The following MTUS2 variants were observed in gnomAD, a reference collection of about 807,000 sequenced individuals.
MTUS2 encodes microtubule-associated tumor suppressor candidate 2.
MTUS2 carries 40 observed loss-of-function variants against 114.1 expected under a neutral mutation model. The ratio of observed to expected loss-of-function variants is 0.35; its 90% CI spans 0.27 to 0.46. MTUS2 has a LOEUF of 0.46. MTUS2 is among the 20% of genes least tolerant of loss of function. The pLI is 1.00. For missense variants in MTUS2, 1,679 were observed against 1,705.4 expected, an observed-to-expected ratio of 0.98 and a Z score of 0.27; for synonymous variants, 688 against 672.0, an observed-to-expected ratio of 1.02 and a Z score of -0.37.
chr13:29,381,246 CTAGA>C (rs1277931146), intron 8 of MTUS2, among the ~76,000 whole-genome samples: 2 of 152,040 alleles, frequency 1.3e-5, no homozygotes, highest in African/African-American at 2.4e-5. Context: ...ATAAAGTAGA[CTAGA>C]TAGAGTGAGA....
At chr13:29,363,435 A>G (rs1217297635) in intron 8 of MTUS2, among the ~76,000 whole-genome samples, 2 of 152,208 alleles carry the variant, frequency 1.3e-5, no homozygotes, top group African/African-American at 4.8e-5. Context: ...CTCAAAATGA[A>G]TATGTCAAGC....
intron 5 of MTUS2, among the ~76,000 whole-genome samples, chr13:29,144,504 C>T (rs1459445721): frequency 6.6e-6 from 1 of 152,034 alleles, no homozygotes; most frequent in Non-Finnish European, 1.5e-5. Flanking sequence ...GCTTGGATTA[C>T]AGGAATGAGC....
At chr13:28,830,707 A>G (rs945819312) in intron 1 of MTUS2, among the ~76,000 whole-genome samples, 6 of 152,148 alleles carry the variant, frequency 3.9e-5, no homozygotes, top group Admixed American at 6.6e-5. Flanking sequence ...CTCAAAAGGA[A>G]AAGAATGAGA....
chr13:29,406,234 C>T (rs1874743503), intron 8 of MTUS2, among the ~76,000 whole-genome samples: 1 of 152,172 alleles, frequency 6.6e-6, no homozygotes, highest in Non-Finnish European at 1.5e-5. Context: ...AGCTGAGCAG[C>T]TGAGAACAAC....
intron 2 of MTUS2, among the ~76,000 whole-genome samples, chr13:28,969,930 G>A (rs1162254331): frequency 6.6e-6 from 1 of 152,188 alleles, no homozygotes; most frequent in Non-Finnish European, 1.5e-5. Context: ...ATAGGCGCCT[G>A]CCAGCATGCC....
At chr13:28,854,264 C>G (rs1179683930) in intron 2 of MTUS2, among the ~76,000 whole-genome samples, 3 of 152,212 alleles carry the variant, frequency 2.0e-5, no homozygotes. Flanking sequence ...GATGCTGCTT[C>G]TGTGCATCTG....
chr13:29,355,292 C>G (rs142190728), intron 7 of MTUS2, among the ~76,000 whole-genome samples: 2 of 152,368 alleles, frequency 1.3e-5, no homozygotes, highest in East Asian at 3.9e-4. Context: ...CAGCTTCTCC[C>G]TGGAGACCTC....
At chr13:29,260,466 A>G (rs1897429364) in intron 5 of MTUS2, among the ~76,000 whole-genome samples, 1 of 152,220 alleles carries the variant, frequency 6.6e-6, no homozygotes, top group Non-Finnish European at 1.5e-5. Flanking sequence ...TGGAACGCTA[A>G]GCTTGTGGGA....
chr13:29,458,691 C>T (rs901195209), intron 9 of MTUS2, among the ~76,000 whole-genome samples: 1 of 152,166 alleles, frequency 6.6e-6, no homozygotes, highest in African/African-American at 2.4e-5. Context: ...CAGGACAACT[C>T]TCCATAGTCA....
chr13:28,827,925 T>G (rs1302340653), intron 1 of MTUS2, among the ~76,000 whole-genome samples: 1 of 152,134 alleles, frequency 6.6e-6, no homozygotes, highest in Non-Finnish European at 1.5e-5. Flanking sequence ...TAATGAAGTT[T>G]TGGGCATGCA....
In MTUS2 at chr13:29,201,028, C is replaced by T. The variant is rs527495406; in HGVS notation, c.2645-80676C>T. Among the ~76,000 whole-genome samples the T allele has an allele frequency of 3.3e-5, 5 of 152,236 alleles. No individual in the cohort carries two copies. The East Asian group carries it at 9.7e-4, about 29-fold the overall frequency. ...GTTCTGTGGATGTCTATTAGGTCTGCTTGGTCCAGAGCTGAGTTCAAGTCC... is the reference window on the plus strand; with the variant it reads ...GTTCTGTGGATGTCTATTAGGTCTGTTTGGTCCAGAGCTGAGTTCAAGTCC... On this transcript the variant is annotated intron_variant, in intron 5 of 15. Transcript: ENST00000612955.
At chr13:29,286,657 T>TCTGG in intron 6 of MTUS2, among the ~76,000 whole-genome samples, 1 of 147,276 alleles carries the variant, frequency 6.8e-6, no homozygotes, top group African/African-American at 2.6e-5. Context: ...TATCTGTCTG[T>TCTGG]CTGTCTGTCT....
chr13:29,075,345 A>G (rs1243297445), intron 4 of MTUS2, among the ~76,000 whole-genome samples: 1 of 152,058 alleles, frequency 6.6e-6, no homozygotes, highest in African/African-American at 2.4e-5. Context: ...TCTGGACTCT[A>G]CCATCTGGAC....
At chr13:29,430,927 G>A (rs1876949210) in intron 8 of MTUS2, among the ~76,000 whole-genome samples, 1 of 152,164 alleles carries the variant, frequency 6.6e-6, no homozygotes, top group African/African-American at 2.4e-5. Flanking sequence ...AAGAGGCCTG[G>A]TAAAATTGTT....
At chr13:29,461,933 G>A (rs968905050) in intron 9 of MTUS2, among the ~76,000 whole-genome samples, 13 of 152,174 alleles carry the variant, frequency 8.5e-5, no homozygotes, top group African/African-American at 2.9e-4. Context: ...GCCTGGGGGA[G>A]GGATTCCAGG....
At chr13:29,074,336 G>T (rs940978907) in intron 4 of MTUS2, among the ~76,000 whole-genome samples, 2 of 152,096 alleles carry the variant, frequency 1.3e-5, no homozygotes, top group African/African-American at 4.8e-5. Context: ...AGTCCGGGTG[G>T]TGCTAGGGAT....
Position 29,026,554 on chromosome 13 carries a change from A to C in MTUS2, c.1856A>C (p.Gln619Pro). Residue 619 changes from glutamine to proline, a missense_variant, in exon 3 of 16, where the codon CAG becomes CCG. By Grantham distance (76) the Gln-to-Pro change is moderately conservative. This residue lies in a region of MTUS2 where 843 missense variants were observed against 770.8 expected (regional missense o/e 1.09). Transcript: ENST00000612955. ...TCGCAGGAGGGAATGGAGAACTATCAGGTTGAAAAAACAGAGGAGAGGACA... is the reference window on the plus strand; with the variant it reads ...TCGCAGGAGGGAATGGAGAACTATCCGGTTGAAAAAACAGAGGAGAGGACA... ...PSSQEGMENY[Q>P]VEKTEERTET... 1.2e-6 allele frequency: 2 copies of C among 1,613,968 alleles called. No homozygotes were observed. Among genetic ancestry groups the C allele is most frequent in the Non-Finnish European group, 1.7e-6 (2 of 1,179,864 alleles).
At chr13:29,107,691 A>G (rs956492161) in intron 5 of MTUS2, among the ~76,000 whole-genome samples, 1 of 152,182 alleles carries the variant, frequency 6.6e-6, no homozygotes, top group African/African-American at 2.4e-5. Context: ...CTCCTTGGAT[A>G]TACTTAATTG....
chr13:29,487,824 C>A, intron 10 of MTUS2, 76 bp from the exon 11 acceptor site: 4 of 1,175,836 alleles, frequency 3.4e-6, no homozygotes, highest in Non-Finnish European at 5.1e-6. Flanking sequence ...GGTCACGGAC[C>A]TTTTCCACTC....
Sources: allele counts gnomAD v4.1 joint callset (sites outside exome capture counted in the v4.1 genomes callset), GRCh38; gene constraint gnomAD v4.1.1; regional missense constraint gnomAD v4.1.1; transcripts MANE v1.5; gene names NCBI Gene and HGNC (gene_info 2026-07-23, HGNC 2026-07-21).